The following ARGLU1 variants were observed in gnomAD, a reference collection of about 807,000 sequenced individuals.
The protein encoded by ARGLU1 is arginine and glutamate-rich protein 1.
In ARGLU1, 9 loss-of-function variants were observed where a neutral mutation model predicts 37.6. The observed-to-expected ratio is 0.24, with a 90% CI of 0.14 to 0.42. The LOEUF is 0.42. Among genes scored for constraint, ARGLU1 ranks in the 10% least tolerant of loss-of-function variants. The pLI, the probability that ARGLU1 is intolerant of heterozygous loss-of-function variation, is 1.00. For synonymous variants in ARGLU1, 166 were observed against 138.5 expected (o/e 1.20, Z -1.39); for missense variants, 211 against 359.2 (o/e 0.59, Z 3.34).
chr13:106,556,456 A>C (rs188594508), intron 3 of ARGLU1, among the ~76,000 whole-genome samples: 1 of 152,274 alleles, frequency 6.6e-6, no homozygotes, highest in Non-Finnish European at 1.5e-5. Flanking sequence ...ATCCACTGTT[A>C]ACTACTCAGA....
At chr13:106,562,631 C>A (rs1255161814) in intron 1 of ARGLU1, among the ~76,000 whole-genome samples, 1 of 152,076 alleles carries the variant, frequency 6.6e-6, no homozygotes, top group East Asian at 1.9e-4. Context: ...AAATCAAGAT[C>A]TTCAAGGTTT....
At chr13:106,562,503 A>C (rs1448830133) in intron 1 of ARGLU1, among the ~76,000 whole-genome samples, 1 of 152,112 alleles carries the variant, frequency 6.6e-6, no homozygotes, top group Non-Finnish European at 1.5e-5. Flanking sequence ...TCACTCCTCA[A>C]AACCCTTGCC....
At chr13:106,546,237 A>G (rs1280817398) in intron 3 of ARGLU1, among the ~76,000 whole-genome samples, 5 of 152,228 alleles carry the variant, frequency 3.3e-5, no homozygotes, top group Admixed American at 3.3e-4. Context: ...TGCCAGACTC[A>G]CCTTTCTTGA....
At chr13:106,547,045 G>A (rs149393961) in intron 3 of ARGLU1, among the ~76,000 whole-genome samples, 5 of 152,236 alleles carry the variant, frequency 3.3e-5, no homozygotes, top group African/African-American at 1.2e-4. Flanking sequence ...GTTACCATGG[G>A]AATGGGCTCC....
At position 106,550,009 on chromosome 13, in the gene ARGLU1, T is replaced by G. The variant is rs375046038; in HGVS notation, c.658-5849A>C. 1.0e-3 allele frequency among the ~76,000 whole-genome samples: 158 copies of G among 152,360 alleles called. 2 individuals carry two copies. The South Asian group carries it at 0.032, about 31-fold the overall frequency. On this transcript the variant is annotated intron_variant, in intron 3 of 3. Coordinates refer to ENST00000400198, the MANE Select transcript of ARGLU1 (RefSeq NM_018011.4). ...TATCTAGATGTGGCTCTTTTAATCT[T>G]CTGTATCCTACATTCTCTCTTTTTA...
intron 3 of ARGLU1, among the ~76,000 whole-genome samples, chr13:106,552,456 AG>A (rs1880555964): frequency 6.6e-6 from 1 of 152,184 alleles, no homozygotes; most frequent in African/African-American, 2.4e-5. Flanking sequence ...CAGATTCACT[AG>A]CCAGGTTGTA....
At position 106,542,471 on chromosome 13, in the gene ARGLU1, A is replaced by G. The variant is rs994363740; in HGVS notation, c.*1525T>C. Reference sequence around the variant, plus strand: ...CATGCCTATTTAAAATTCTACCTTTAAAGATCTTTAAACTGATTTTATATT... The same window carrying G: ...CATGCCTATTTAAAATTCTACCTTTGAAGATCTTTAAACTGATTTTATATT... On this transcript the variant is annotated 3_prime_UTR_variant, in exon 4 of 4. Coordinates refer to ENST00000400198, the MANE Select transcript of ARGLU1 (RefSeq NM_018011.4). 2 of 152,114 alleles carry G rather than the reference A, an allele frequency of 1.3e-5. No individual in the cohort carries two copies. The highest frequency in any genetic ancestry group is 4.8e-5 in the African/African-American group (2 of 41,438). The allele number at this position is 152,114 out of a possible 1,614,324, so 9.4% of individuals were successfully genotyped here.
chr13:106,551,856 T>C (rs566389161), intron 3 of ARGLU1, among the ~76,000 whole-genome samples: 48 of 152,344 alleles, frequency 3.2e-4, no homozygotes, highest in African/African-American at 1.1e-3. Flanking sequence ...CTGTGCTATA[T>C]GCTAAAATTT....
rs1320694653 is a variant in ARGLU1 at position 106,541,738 on chromosome 13, C to A, written c.*2258G>T. On this transcript the variant is annotated 3_prime_UTR_variant, in exon 4 of 4. Coordinates refer to ENST00000400198, the MANE Select transcript of ARGLU1 (RefSeq NM_018011.4). ...ACCACAATATGTCAATAACTACATA[C>A]TGTAATAAAAATAAACAAAGTCATA... 1 of 151,930 alleles carries A rather than the reference C, an allele frequency of 6.6e-6. No homozygotes were observed. Among genetic ancestry groups the A allele is most frequent in the Non-Finnish European group, 1.5e-5 (1 of 67,978 alleles). 9.4% of individuals were successfully genotyped at this position (151,930 alleles called of 1,614,324 possible). A position where few individuals can be genotyped will look rare whatever the true frequency, so the allele number is the denominator to read the frequency against.
chr13:106,562,984 C>A lies in ARGLU1; in HGVS notation c.348-3327G>T, dbSNP rs184403049. Among the ~76,000 whole-genome samples, 593 of 118,224 alleles carry A rather than the reference C, an allele frequency of 5.0e-3. 9 individuals carry two copies. Among genetic ancestry groups the A allele is most frequent in the African/African-American group, 0.018 (565 of 31,394 alleles). The allele number at this position is 118,224 out of a possible 152,430, so 77.6% of individuals were successfully genotyped here. A position where few individuals can be genotyped will look rare whatever the true frequency, so the allele number is the denominator to read the frequency against. On this transcript the variant is annotated intron_variant, in intron 1 of 3. Coordinates refer to ENST00000400198, the MANE Select transcript of ARGLU1 (RefSeq NM_018011.4). Reference sequence around the variant, plus strand: ...CCAGCCTGGGCGACAGAGCAAGACCCTGTCTCAAAAAAAAAAAAAAAAAAC... The same window carrying A: ...CCAGCCTGGGCGACAGAGCAAGACCATGTCTCAAAAAAAAAAAAAAAAAAC...
At chr13:106,565,640 C>T (rs550523124) in intron 1 of ARGLU1, among the ~76,000 whole-genome samples, 2 of 152,326 alleles carry the variant, frequency 1.3e-5, no homozygotes, top group African/African-American at 4.8e-5. Context: ...TTTCCTTACA[C>T]TGCCAAAGCT....
Position 106,557,929 on chromosome 13 carries a change from A to C in ARGLU1, c.574-798T>G. The C allele has an allele frequency of 1.0e-6, 1 of 985,454 alleles. No individual in the cohort carries two copies. The highest frequency in any genetic ancestry group is 1.2e-6 in the Non-Finnish European group (1 of 829,932). The allele number at this position is 985,454 out of a possible 1,614,324, so 61.0% of individuals were successfully genotyped here. On this transcript the variant is annotated intron_variant, in intron 2 of 3. Transcript: ENST00000400198. The surrounding 1 kb of genome is among the most constrained non-coding windows in gnomAD (Gnocchi z 5.0). Reference sequence around the variant, plus strand: ...TATTGTCATCTACAATCTGAACTGAAACTCAGAAATCCAGGGGATGCATGG... The same window carrying C: ...TATTGTCATCTACAATCTGAACTGACACTCAGAAATCCAGGGGATGCATGG...
At chr13:106,566,259 C>T (rs899390604) in intron 1 of ARGLU1, among the ~76,000 whole-genome samples, 1 of 152,146 alleles carries the variant, frequency 6.6e-6, no homozygotes, top group Non-Finnish European at 1.5e-5. Flanking sequence ...CCAGGTACAG[C>T]TTCCTCTGTA....
rs1880263990 is a variant in ARGLU1, at chr13:106,541,737, A to G, written c.*2259T>C. 1 of 152,116 alleles carries G rather than the reference A, an allele frequency of 6.6e-6. No individual in the cohort carries two copies. Among genetic ancestry groups the G allele is most frequent in the Admixed American group, 6.5e-5 (1 of 15,274 alleles). The allele number at this position is 152,116 out of a possible 1,614,324, so 9.4% of individuals were successfully genotyped here. A position where few individuals can be genotyped will look rare whatever the true frequency, so the allele number is the denominator to read the frequency against. On this transcript the variant is annotated 3_prime_UTR_variant, in exon 4 of 4. Coordinates refer to ENST00000400198, the MANE Select transcript of ARGLU1 (RefSeq NM_018011.4). Reference sequence around the variant, plus strand: ...AACCACAATATGTCAATAACTACATACTGTAATAAAAATAAACAAAGTCAT... The same window carrying G: ...AACCACAATATGTCAATAACTACATGCTGTAATAAAAATAAACAAAGTCAT...
chr13:106,561,811 G>A (rs754304458), intron 1 of ARGLU1: 6 of 152,168 alleles, frequency 3.9e-5, no homozygotes, highest in Admixed American at 1.3e-4. Context: ...AGGAGAAAAT[G>A]AGCCAAATAA....
At chr13:106,560,206 A>C (rs1270059154) in intron 1 of ARGLU1, among the ~76,000 whole-genome samples, 1 of 152,154 alleles carries the variant, frequency 6.6e-6, no homozygotes. Context: ...TTTGAACTGA[A>C]GTTCTTTAGC....
intron 3 of ARGLU1, among the ~76,000 whole-genome samples, chr13:106,549,834 A>T (rs1157888881): frequency 6.6e-6 from 1 of 152,216 alleles, no homozygotes; most frequent in Non-Finnish European, 1.5e-5. Flanking sequence ...GGAGGAAGTG[A>T]CTGAGATTGA....
chr13:106,562,521 T>C (rs1880837417), intron 1 of ARGLU1, among the ~76,000 whole-genome samples: 2 of 152,194 alleles, frequency 1.3e-5, no homozygotes, highest in African/African-American at 4.8e-5. Context: ...GCCATAGCAG[T>C]TGTCACCCTC....
Position 106,557,329 on chromosome 13 carries a change from C to T in ARGLU1, c.574-198G>A. ...TAAATTTAAATCATCCCTCCCAGTC[C>T]AAACAGCAACCAACTAAACCCTCCC... On this transcript the variant is annotated intron_variant, in intron 2 of 3. Transcript: ENST00000400198. This position sits in a 1 kb window ranked among gnomAD's most constrained non-coding sequence, Gnocchi z 5.0. The T allele has an allele frequency of 1.6e-6, 1 of 644,586 alleles. No individual in the cohort carries two copies. The highest frequency in any genetic ancestry group is 2.5e-6 in the Non-Finnish European group (1 of 397,330). The allele number at this position is 644,586 out of a possible 1,614,324, so 39.9% of individuals were successfully genotyped here.
Sources: allele counts gnomAD v4.1 joint callset (sites outside exome capture counted in the v4.1 genomes callset), GRCh38; gene constraint gnomAD v4.1.1; non-coding constraint Gnocchi (gnomAD v3.1); transcripts MANE v1.5; gene names NCBI Gene and HGNC (gene_info 2026-07-23, HGNC 2026-07-21).